Variants in HNRNPR observed in about 807,000 individuals in gnomAD.
The protein encoded by HNRNPR is heterogeneous nuclear ribonucleoprotein R.
In HNRNPR, 4 loss-of-function variants were observed where a neutral mutation model predicts 70.3. The ratio of observed to expected loss-of-function variants is 0.06; its 90% CI spans 0.03 to 0.13. The LOEUF (loss-of-function observed/expected upper bound fraction) is 0.13. Ranked by LOEUF, HNRNPR falls within the 10% of genes least tolerant of loss-of-function variation. The probability of loss-of-function intolerance (pLI) is 1.00; values close to 1 mark genes in which losing one functional copy is unlikely to be tolerated. For synonymous variants in HNRNPR, 241 were observed against 267.6 expected, an observed-to-expected ratio of 0.90 and a Z score of 0.97; for missense variants, 423 against 788.5, an observed-to-expected ratio of 0.54 and a Z score of 5.55.
intron 9 of HNRNPR, among the ~76,000 whole-genome samples, 155 bp downstream of exon 9, chr1:23,313,398 C>G (rs1270627305): frequency 6.6e-6 from 1 of 152,148 alleles, no homozygotes; most frequent in East Asian, 1.9e-4. Flanking sequence ...GGAGTCTTAT[C>G]TGTTACATAC....
chr1:23,338,422 A>C (rs1646585143), intron 3 of HNRNPR, 68 bp downstream of exon 3: 3 of 649,992 alleles, frequency 4.6e-6, no homozygotes, highest in Non-Finnish European at 5.1e-6. Context: ...CTCCATAGGA[A>C]AAAAAGTAAT....
intron 8 of HNRNPR, among the ~76,000 whole-genome samples, chr1:23,317,755 G>A (rs1468864546): frequency 2.0e-5 from 3 of 152,080 alleles, no homozygotes; most frequent in Non-Finnish European, 2.9e-5. Flanking sequence ...AGGCCAAGGC[G>A]GGTAGATCAT....
intron 8 of HNRNPR, among the ~76,000 whole-genome samples, chr1:23,315,279 CA>C (rs1165980444): frequency 0.11 from 3,780 of 35,190 alleles, 205 homozygotes; most frequent in African/African-American, 0.3. Flanking sequence ...GGCTCCGTCT[CA>C]AAAAAAAAAA....
chr1:23,324,567 C>CTAAATAAA (rs544734128), intron 5 of HNRNPR, among the ~76,000 whole-genome samples: 1 of 151,640 alleles, frequency 6.6e-6, no homozygotes, highest in African/African-American at 2.4e-5. Flanking sequence ...GACTCCATCT[C>CTAAATAAA]TAAATAAATA....
Position 23,305,885 on chromosome 1 carries a change from T to A in HNRNPR, c.*4569A>T, listed in dbSNP as rs1410326405. ...TCAACATATCTCTAAATTGAGGCCA[T>A]TATTGTCAAACTGCTAAAACTTTTT... On this transcript the variant is annotated 3_prime_UTR_variant, in exon 11 of 11. Transcript: ENST00000302271. 1 of 152,190 alleles carries A rather than the reference T, an allele frequency of 6.6e-6. No homozygotes were observed. Among genetic ancestry groups the A allele is most frequent in the Non-Finnish European group, 1.5e-5 (1 of 68,012 alleles). 9.4% of individuals were successfully genotyped at this position (152,190 alleles called of 1,614,324 possible).
intron 7 of HNRNPR, among the ~76,000 whole-genome samples, chr1:23,319,370 C>T (rs1345551832): frequency 3.9e-5 from 6 of 152,186 alleles, no homozygotes; most frequent in Non-Finnish European, 8.8e-5. Context: ...TGGCCAAAAT[C>T]TGCCTTCCCT....
rs1646593190 is a variant in HNRNPR at position 23,338,614 on chromosome 1, A to C, written c.158-6T>G. On this transcript the variant is annotated splice_polypyrimidine_tract_variant and splice_region_variant and intron_variant, in intron 2 of 10. Transcript: ENST00000302271. The stretch of plus-strand genomic sequence containing the variant: ...ATCGACATAAGCTACCAATCCTAAA[A>C]ATTAAATTGAAAGGGGTAACGTTAT... 1 of 1,470,968 alleles carries C rather than the reference A, an allele frequency of 6.8e-7. No homozygotes were observed. Among genetic ancestry groups the C allele is most frequent in the African/African-American group, 1.4e-5 (1 of 70,852 alleles). The allele number at this position is 1,470,968 out of a possible 1,614,324, so 91.1% of individuals were successfully genotyped here.
chr1:23,323,836 T>C (rs1645852353), intron 5 of HNRNPR, 104 bp from the exon 6 acceptor site: 1 of 865,710 alleles, frequency 1.2e-6, no homozygotes, highest in Middle Eastern at 3.1e-4. Flanking sequence ...AGAAGATGGT[T>C]AAGAAAGAAT....
At chr1:23,333,695 T>A (rs1042223494) in intron 4 of HNRNPR, 64 bp from the exon 5 acceptor site, 3 of 928,590 alleles carry the variant, frequency 3.2e-6, no homozygotes, top group Non-Finnish European at 5.1e-6. Context: ...CATCAGTGTA[T>A]TAATCTTTTC....
intron 1 of HNRNPR, among the ~76,000 whole-genome samples, chr1:23,343,909 G>A (rs1005516890): frequency 1.3e-5 from 2 of 152,260 alleles, no homozygotes; most frequent in African/African-American, 4.8e-5. Flanking sequence ...CCGGCCGCAT[G>A]GAGCAGCGAG....
At chr1:23,323,921 A>G (rs1285394682) in intron 5 of HNRNPR, among the ~76,000 whole-genome samples, 189 bp from the exon 6 acceptor site, 1 of 152,138 alleles carries the variant, frequency 6.6e-6, no homozygotes. Flanking sequence ...AGGGTTATCA[A>G]AGAACAAGTC....
At chr1:23,332,712 A>AC (rs1646291363) in intron 5 of HNRNPR, among the ~76,000 whole-genome samples, 1 of 151,034 alleles carries the variant, frequency 6.6e-6, no homozygotes, top group South Asian at 2.1e-4. Context: ...AAAAAAAAAA[A>AC]AACAAAACCA....
chr1:23,335,275 C>T (rs1459673648), intron 4 of HNRNPR, among the ~76,000 whole-genome samples: 1 of 152,226 alleles, frequency 6.6e-6, no homozygotes, highest in African/African-American at 2.4e-5. Context: ...TCATCAAGTT[C>T]AGTGAACACT....
intron 5 of HNRNPR, among the ~76,000 whole-genome samples, chr1:23,329,930 C>A (rs576404202): frequency 3.3e-4 from 50 of 152,286 alleles, no homozygotes; most frequent in Non-Finnish European, 5.6e-4. Context: ...CACACCCAGC[C>A]AACAGAGTCT....
At chr1:23,334,060 T>C (rs1223488187) in intron 4 of HNRNPR, among the ~76,000 whole-genome samples, 3 of 150,846 alleles carry the variant, frequency 2.0e-5, no homozygotes, top group African/African-American at 7.3e-5. Context: ...ATTACAGGCA[T>C]GTGCCACCAC....
chr1:23,318,671 T>C lies in HNRNPR; in HGVS notation c.829A>G (p.Ile277Val). ...SKVTEGLVDV[I>V]LYHQPDDKKK... ...TTGTCATCGGGTTGATGATAGAGAA[T>C]AACGTCCACCAAACCCTCTGTTAAA... Residue 277 changes from isoleucine to valine, a missense_variant, in exon 8 of 11, where the codon ATT becomes GTT. Around this residue, in one of 7 missense-constraint regions of HNRNPR, gnomAD observed 118 missense variants for 239.3 expected, o/e 0.49. Coordinates refer to ENST00000302271, the MANE Select transcript of HNRNPR (RefSeq NM_005826.5). This position sits in a 1 kb window ranked among gnomAD's most constrained non-coding sequence, Gnocchi z 4.2. 6.2e-7 allele frequency: 1 copy of C among 1,614,174 alleles called. No individual in the cohort carries two copies. The highest frequency in any genetic ancestry group is 2.2e-5 in the East Asian group (1 of 44,876).
chr1:23,331,834 T>TAAAAAAAAAAAAAAAAAAAAAAAAA (rs59006948), intron 5 of HNRNPR, among the ~76,000 whole-genome samples: 2 of 59,242 alleles, frequency 3.4e-5, no homozygotes, highest in African/African-American at 9.2e-5. Flanking sequence ...ACTGTTTCTT[T>TAAAAAAAAAAAAAAAAAAAAAAAAA]AAAAAAAAAA....
At position 23,305,461 on chromosome 1, in the gene HNRNPR, GTC is replaced by G. The variant is rs1645189259; in HGVS notation, c.*4991_*4992del. 1 of 152,172 alleles carries G rather than the reference GTC, an allele frequency of 6.6e-6. No individual in the cohort carries two copies. Among genetic ancestry groups the G allele is most frequent in the Non-Finnish European group, 1.5e-5 (1 of 68,006 alleles). 9.4% of individuals were successfully genotyped at this position (152,172 alleles called of 1,614,324 possible). A position where few individuals can be genotyped will look rare whatever the true frequency, so the allele number is the denominator to read the frequency against. On this transcript the variant is annotated 3_prime_UTR_variant, in exon 11 of 11. Transcript: ENST00000302271. ...ACTAGCACATTTAACATCTAGGAAAGTCTTTCTAGACTGATATTCTCAACCAA... is the reference window on the plus strand; with the variant it reads ...ACTAGCACATTTAACATCTAGGAAAGTTTCTAGACTGATATTCTCAACCAA...
At chr1:23,342,360 T>C (rs1164628967) in intron 1 of HNRNPR, among the ~76,000 whole-genome samples, 3 of 152,086 alleles carry the variant, frequency 2.0e-5, no homozygotes, top group Non-Finnish European at 4.4e-5. Flanking sequence ...AAGAAGAAAA[T>C]GCAAAGGATT....
Sources: allele counts gnomAD v4.1 joint callset (sites outside exome capture counted in the v4.1 genomes callset), GRCh38; gene constraint gnomAD v4.1.1; regional missense constraint gnomAD v4.1.1; non-coding constraint Gnocchi (gnomAD v3.1); transcripts MANE v1.5; gene names NCBI Gene and HGNC (gene_info 2026-07-23, HGNC 2026-07-21).